The following NUP98 variants were observed in gnomAD, a reference collection of about 807,000 sequenced individuals.
NUP98 encodes the protein nucleoporin 98 and 96 precursor.
Under a neutral mutation model 191.9 loss-of-function variants are expected in NUP98, and 26 were observed. The ratio of observed to expected loss-of-function variants is 0.14; its 90% CI spans 0.10 to 0.19. The LOEUF is 0.19. Among genes scored for constraint, NUP98 ranks in the 10% least tolerant of loss-of-function variants. The pLI, the probability that NUP98 is intolerant of heterozygous loss-of-function variation, is 1.00. For missense variants in NUP98, 1,941 were observed against 2,178.8 expected, an observed-to-expected ratio of 0.89 and a Z score of 2.17; for synonymous variants, 808 against 778.4, an observed-to-expected ratio of 1.04 and a Z score of -0.63.
At chr11:3,759,053 A>G (rs2081074756) in intron 10 of NUP98, among the ~76,000 whole-genome samples, 1 of 152,162 alleles carries the variant, frequency 6.6e-6, no homozygotes. Flanking sequence ...GTTTAATATG[A>G]TCTCTTTCTC....
intron 21 of NUP98, 70 bp downstream of exon 21, chr11:3,706,375 T>C: frequency 1.4e-6 from 2 of 1,420,778 alleles, no homozygotes; most frequent in Non-Finnish European, 2.0e-6. Context: ...GGAAGAGACC[T>C]GATCCTATGC....
Position 3,716,093 on chromosome 11 carries a change from T to C in NUP98, c.2400-2098A>G, listed in dbSNP as rs189762310. Among the ~76,000 whole-genome samples, 563 of 152,340 alleles carry C rather than the reference T, an allele frequency of 3.7e-3. 1 individual carries two copies. Among genetic ancestry groups the C allele is most frequent in the Non-Finnish European group, 6.0e-3 (407 of 68,030 alleles). Reference sequence around the variant, plus strand: ...TTTCAGTTTGATATAGTGTCATTTGTCTATTTTTGCTTTTGGTGCTTATAC... The same window carrying C: ...TTTCAGTTTGATATAGTGTCATTTGCCTATTTTTGCTTTTGGTGCTTATAC... On this transcript the variant is annotated intron_variant, in intron 18 of 32. Coordinates refer to ENST00000324932, the MANE Select transcript of NUP98 (RefSeq NM_016320.5).
intron 31 of NUP98, among the ~76,000 whole-genome samples, chr11:3,678,981 G>A (rs183606833): frequency 1.1e-3 from 168 of 152,124 alleles, no homozygotes; most frequent in Non-Finnish European, 2.0e-3. Context: ...AGTTAGCTGC[G>A]TGTGGTGGCA....
chr11:3,685,241 G>T (rs902140685), intron 29 of NUP98, among the ~76,000 whole-genome samples: 1 of 149,660 alleles, frequency 6.7e-6, no homozygotes, highest in Admixed American at 6.7e-5. Context: ...AAACCGCAGT[G>T]AAAAGGCATT....
chr11:3,796,475 T>C (rs1398974063), intron 1 of NUP98, among the ~76,000 whole-genome samples: 1 of 152,238 alleles, frequency 6.6e-6, no homozygotes, highest in Non-Finnish European at 1.5e-5. Context: ...TCTTTAACCA[T>C]CTTCTAAGTT....
At position 3,675,467 on chromosome 11, in the gene NUP98, C is replaced by G; in HGVS notation, c.*692G>C. The G allele has an allele frequency of 4.4e-6, 1 of 227,970 alleles. No individual in the cohort carries two copies. The highest frequency in any genetic ancestry group is 8.7e-6 in the Non-Finnish European group (1 of 114,744). The allele number at this position is 227,970 out of a possible 1,614,324, so 14.1% of individuals were successfully genotyped here. On this transcript the variant is annotated 3_prime_UTR_variant, in exon 33 of 33. Coordinates refer to ENST00000324932, the MANE Select transcript of NUP98 (RefSeq NM_016320.5). ...CAAACCAAACTCTGGGAGCTTCCCA[C>G]AGACATGTCACATGTGACCAAGGGT... is the stretch of plus-strand genomic sequence containing the variant.
At chr11:3,682,409 TAG>T (rs1356529416) in intron 30 of NUP98, among the ~76,000 whole-genome samples, 1 of 152,222 alleles carries the variant, frequency 6.6e-6, no homozygotes, top group Non-Finnish European at 1.5e-5. Flanking sequence ...TGTTTAAAGT[TAG>T]AGTTGTGCTA....
intron 12 of NUP98, among the ~76,000 whole-genome samples, chr11:3,740,582 G>A (rs1267090770): frequency 1.3e-5 from 2 of 151,534 alleles, no homozygotes; most frequent in African/African-American, 4.8e-5. Flanking sequence ...AATCACTGAT[G>A]CTCAATACAC....
At position 3,723,408 on chromosome 11, in the gene NUP98, C is replaced by T. The variant is rs753504537; in HGVS notation, c.1895G>A (p.Gly632Glu). 39 of 1,613,994 alleles carry T rather than the reference C, an allele frequency of 2.4e-5. No homozygotes were observed. The highest frequency in any genetic ancestry group is 3.4e-6 in the Non-Finnish European group (4 of 1,180,020). The change falls in exon 16 of 33, where the codon GGA becomes GAA. Residue 632 changes from glycine to glutamate, a missense_variant. Physicochemically the swap from Gly to Glu is moderately conservative, Grantham distance 98. Coordinates refer to ENST00000324932, the MANE Select transcript of NUP98 (RefSeq NM_016320.5). Reference protein sequence around the residue: ...KPVDENHQQDGDEDSLVSHFY... With the variant: ...KPVDENHQQDEDEDSLVSHFY... ...ATGTGAAACAAGGGAATCTTCATCT[C>T]CATCCTGCTGGTGATTCTCATCAAC... is the stretch of plus-strand genomic sequence containing the variant.
Position 3,705,348 on chromosome 11 carries a change from T to C in NUP98, c.2934A>G (p.Lys978=), listed in dbSNP as rs751894107. Residue 978 remains lysine, a synonymous_variant, in exon 22 of 33, where the codon AAA becomes AAG. Transcript: ENST00000324932. ...CTTCTTCATCAGTAAGCAATGATGC[T>C]TTCATGATCTAAAAAGGCAATATCT... The part of the protein sequence containing the change: ...GINPHVLQIM[K]ASLLTDEEDV... The C allele has an allele frequency of 8.7e-6, 14 of 1,613,844 alleles. No individual in the cohort carries two copies. In the Admixed American group the frequency reaches 1.2e-4, roughly 13 times the overall value.
At chr11:3,753,264 C>CTCTA in intron 11 of NUP98, 52 bp downstream of exon 11, 1 of 1,420,272 alleles carries the variant, frequency 7.0e-7, no homozygotes, top group Non-Finnish European at 9.9e-7. Flanking sequence ...GTTCCAGAAA[C>CTCTA]TAGAAAGTCA....
In NUP98 at chr11:3,761,254, A is replaced by C. The variant is rs138399219; in HGVS notation, c.1087-628T>G. Reference sequence around the variant, plus strand: ...TGATAGTTGCACACTTTGTTGATATACTAAAAATCACCTAGCTATACACTT... The same window carrying C: ...TGATAGTTGCACACTTTGTTGATATCCTAAAAATCACCTAGCTATACACTT... On this transcript the variant is annotated intron_variant, in intron 9 of 32. Transcript: ENST00000324932. 2.7e-3 allele frequency among the ~76,000 whole-genome samples: 407 copies of C among 152,312 alleles called. 1 individual carries two copies. The highest frequency in any genetic ancestry group is 9.3e-3 in the African/African-American group (385 of 41,584).
At chr11:3,689,736 G>C (rs1296673074) in intron 28 of NUP98, among the ~76,000 whole-genome samples, 1 of 151,874 alleles carries the variant, frequency 6.6e-6, no homozygotes, top group Non-Finnish European at 1.5e-5. Context: ...GACTTCCCAG[G>C]CTCAGGTGAT....
At chr11:3,741,215 C>T (rs542092988) in intron 12 of NUP98, among the ~76,000 whole-genome samples, 13 of 151,966 alleles carry the variant, frequency 8.6e-5, no homozygotes, top group African/African-American at 2.7e-4. Flanking sequence ...AACAGAAGAA[C>T]GCTAAAAAAA....
chr11:3,731,875 C>T (rs2079865652), intron 13 of NUP98, among the ~76,000 whole-genome samples: 2 of 152,032 alleles, frequency 1.3e-5, no homozygotes, highest in Admixed American at 6.6e-5. Flanking sequence ...CCAAAATGTC[C>T]CAATGAGCAT....
At chr11:3,718,258 C>T (rs773819022) in intron 18 of NUP98, among the ~76,000 whole-genome samples, 5 of 151,950 alleles carry the variant, frequency 3.3e-5, no homozygotes, top group Non-Finnish European at 5.9e-5. Flanking sequence ...ATTATTGGCC[C>T]GGCACAGTGG....
chr11:3,750,759 T>C (rs894233283), intron 11 of NUP98, among the ~76,000 whole-genome samples: 2 of 151,792 alleles, frequency 1.3e-5, no homozygotes, highest in African/African-American at 4.8e-5. Flanking sequence ...CTCATTCAGC[T>C]GCTTGAGTAG....
chr11:3,792,582 G>T (rs944649780), intron 1 of NUP98, among the ~76,000 whole-genome samples: 1 of 152,098 alleles, frequency 6.6e-6, no homozygotes, highest in Non-Finnish European at 1.5e-5. Context: ...CAACACTCCA[G>T]CCTGGGTGAC....
intron 1 of NUP98, among the ~76,000 whole-genome samples, chr11:3,788,796 A>C (rs1028421460): frequency 6.6e-6 from 1 of 151,490 alleles, no homozygotes; most frequent in Non-Finnish European, 1.5e-5. Context: ...AAAAATACAT[A>C]ATTAGCCAGT....
Sources: gnomAD v4.1 joint callset for allele counts (sites outside exome capture counted in the v4.1 genomes callset) on GRCh38, gnomAD v4.1.1 for gene constraint, MANE v1.5 for transcripts, NCBI Gene and HGNC (gene_info 2026-07-23, HGNC 2026-07-21) for gene names.